PDZD2: variants seen among roughly 807,000 people sequenced by gnomAD.
The protein encoded by PDZD2 is PDZ domain containing 2.
A neutral mutation model predicts 220.7 loss-of-function variants in PDZD2; 90 were observed. That is an observed-to-expected ratio of 0.41 (90% CI 0.34 to 0.49). The LOEUF (loss-of-function observed/expected upper bound fraction) is 0.49, where lower values mean the gene tolerates loss of function less well. Among genes scored for constraint, PDZD2 ranks in the 20% least tolerant of loss-of-function variants. The pLI, the probability that PDZD2 is intolerant of heterozygous loss-of-function variation, is 0.28. For synonymous variants in PDZD2, 1,375 were observed against 1,450.5 expected, an observed-to-expected ratio of 0.95 and a Z score of 1.18; for missense variants, 3,174 against 3,608.5, an observed-to-expected ratio of 0.88 and a Z score of 3.08.
At chr5:31,788,522 G>A (rs956713986) in intron 1 of PDZD2, among the ~76,000 whole-genome samples, 4 of 152,096 alleles carry the variant, frequency 2.6e-5, no homozygotes, top group South Asian at 2.1e-4. Flanking sequence ...AAAATTAGCC[G>A]GGTGTGGTGG....
intron 2 of PDZD2, among the ~76,000 whole-genome samples, chr5:31,865,689 A>G (rs1255147427): frequency 1.6e-5 from 2 of 122,280 alleles, no homozygotes; most frequent in East Asian, 4.7e-4. Context: ...GCTGGAGTTC[A>G]GTGGCGCAAT....
intron 1 of PDZD2, among the ~76,000 whole-genome samples, chr5:31,757,743 G>A (rs1751381363): frequency 6.6e-6 from 1 of 152,166 alleles, no homozygotes; most frequent in African/African-American, 2.4e-5. Flanking sequence ...GGTCACAGGT[G>A]GTTTTGTTAT....
In PDZD2 at chr5:31,931,898, C is replaced by T. The variant is rs189639807; in HGVS notation, c.477-51257C>T. 1.2e-3 allele frequency among the ~76,000 whole-genome samples: 189 copies of T among 152,210 alleles called. 1 individual carries two copies. Among genetic ancestry groups the T allele is most frequent in the African/African-American group, 4.4e-3 (181 of 41,520 alleles). On this transcript the variant is annotated intron_variant, in intron 2 of 24. Transcript: ENST00000438447. The stretch of plus-strand genomic sequence containing the variant: ...TGGGAGGGGAGGGGTGGGCCACAGC[C>T]GCACGGAGCTTTCTCAGGTGTGATT...
chr5:31,983,033 TCAATACCTCAGTCCATCGGCCAA>T, intron 2 of PDZD2, 99 bp from the exon 3 acceptor site: 28 of 900,990 alleles, frequency 3.1e-5, no homozygotes, highest in Non-Finnish European at 4.4e-5. Flanking sequence ...TTTAGGAAGC[TCAATACCTCAGTCCATCGGCCAA>T]CTGGTCGTCA....
rs764778757 is a variant in PDZD2, at chr5:32,061,080, T to TA, written c.2400dup (p.Cys801MetfsTer15). 1 of 1,613,926 alleles carries TA rather than the reference T, an allele frequency of 6.2e-7. No homozygotes were observed. The highest frequency in any genetic ancestry group is 1.3e-5 in the African/African-American group (1 of 74,872). On this transcript the variant is annotated frameshift_variant, in exon 14 of 25. Coordinates refer to ENST00000438447, the MANE Select transcript of PDZD2 (RefSeq NM_178140.4). LOFTEE classifies it high-confidence loss of function. ...TAAGCAAAGTCCACGCCATCTTGAG[T>TA]AAATGCCCTCCAGGACCCGTTCGCC...
At chr5:32,029,329 TAAAAAAAAAAAAAA>T (rs34025632) in intron 6 of PDZD2, among the ~76,000 whole-genome samples, 1 of 65,834 alleles carries the variant, frequency 1.5e-5, no homozygotes, top group African/African-American at 5.9e-5. Flanking sequence ...TCAAGAACTG[TAAAAAAAAAAAAAA>T]AAAAAAAAAA....
intron 20 of PDZD2, 67 bp from the exon 21 acceptor site, chr5:32,092,840 G>A: frequency 1.3e-6 from 1 of 746,040 alleles, no homozygotes; most frequent in South Asian, 1.8e-5. Flanking sequence ...CATTTTAAAT[G>A]CATTCTTATA....
At chr5:32,058,547 G>C (rs936569091) in intron 12 of PDZD2, among the ~76,000 whole-genome samples, 6 of 151,392 alleles carry the variant, frequency 4.0e-5, no homozygotes, top group Non-Finnish European at 7.4e-5. Flanking sequence ...GGTGGCAAGC[G>C]CCTGTAATCC....
intron 1 of PDZD2, among the ~76,000 whole-genome samples, chr5:31,750,430 G>A (rs1177150161): frequency 1.3e-5 from 2 of 152,214 alleles, no homozygotes; most frequent in Non-Finnish European, 2.9e-5. Context: ...ACGCTCACCA[G>A]ATGCAGGAAC....
chr5:31,862,759 G>C (rs1187569815), intron 2 of PDZD2, among the ~76,000 whole-genome samples: 1 of 151,498 alleles, frequency 6.6e-6, no homozygotes, highest in Non-Finnish European at 1.5e-5. Context: ...ATGGAGTGTT[G>C]CTCTTTCGCC....
At chr5:31,731,466 C>T (rs978246474) in intron 1 of PDZD2, among the ~76,000 whole-genome samples, 4 of 152,118 alleles carry the variant, frequency 2.6e-5, no homozygotes, top group African/African-American at 4.8e-5. Context: ...ATCCATTAAG[C>T]GGTCACTCGC....
chr5:32,098,641 T>C lies in PDZD2; in HGVS notation c.8218+7T>C. On this transcript the variant is annotated splice_region_variant and intron_variant, in intron 23 of 24. Transcript: ENST00000438447. The surrounding 1 kb of genome is among the most constrained non-coding windows in gnomAD (Gnocchi z 4.1). ...CCCCTGGAGCCTGGCATTGGTAAGA[T>C]GATCATTTCAACAACCAGCAGGCTG... The C allele has an allele frequency of 6.2e-7, 1 of 1,608,110 alleles. No individual in the cohort carries two copies. The highest frequency in any genetic ancestry group is 2.2e-5 in the East Asian group (1 of 44,762).
At chr5:32,033,168 T>C (rs1463516473) in intron 6 of PDZD2, among the ~76,000 whole-genome samples, 1 of 152,220 alleles carries the variant, frequency 6.6e-6, no homozygotes, top group Non-Finnish European at 1.5e-5. Context: ...GAGAACATTT[T>C]GCAAATTTCG....
chr5:31,811,718 G>A (rs531031612), intron 2 of PDZD2, among the ~76,000 whole-genome samples: 1 of 152,238 alleles, frequency 6.6e-6, no homozygotes, highest in Admixed American at 6.5e-5. Context: ...AGCCAGGCAG[G>A]GTGGCTCATG....
chr5:31,831,337 C>G (rs891680564), intron 2 of PDZD2, among the ~76,000 whole-genome samples: 2 of 151,764 alleles, frequency 1.3e-5, no homozygotes, highest in African/African-American at 4.8e-5. Context: ...AAAAATTGGC[C>G]GGGTGCAGTG....
At chr5:31,649,470 T>C (rs1745259301) in intron 1 of PDZD2, among the ~76,000 whole-genome samples, 1 of 151,948 alleles carries the variant, frequency 6.6e-6, no homozygotes, top group African/African-American at 2.4e-5. Flanking sequence ...CCAGGTACTC[T>C]ATCACATGAC....
chr5:31,989,416 C>CTTTTTTTTTTTTTTT lies in PDZD2; in HGVS notation c.978+5764_978+5765insTTTTTTTTTTTTTTT, dbSNP rs1385913596. Reference sequence around the variant, plus strand: ...TATTCTGTGGTATATACCACATTTTCTTTTCTTTTTTTTTTTTTTTTTTTG... The same window carrying CTTTTTTTTTTTTTTT: ...TATTCTGTGGTATATACCACATTTTCTTTTTTTTTTTTTTTTTTTCTTTTTTTTTTTTTTTTTTTG... On this transcript the variant is annotated intron_variant, in intron 3 of 24. Coordinates refer to ENST00000438447, the MANE Select transcript of PDZD2 (RefSeq NM_178140.4). Among the ~76,000 whole-genome samples, 10 of 120,646 alleles carry CTTTTTTTTTTTTTTT rather than the reference C, an allele frequency of 8.3e-5. 1 individual carries two copies. The highest frequency in any genetic ancestry group is 2.9e-4 in the East Asian group (1 of 3,418). 79.1% of individuals were successfully genotyped at this position (120,646 alleles called of 152,430 possible).
chr5:31,921,315 C>T (rs1303335953), intron 2 of PDZD2, among the ~76,000 whole-genome samples: 2 of 152,154 alleles, frequency 1.3e-5, no homozygotes, highest in Non-Finnish European at 2.9e-5. Flanking sequence ...CTCTATGAAG[C>T]ATTTAGCCTT....
intron 1 of PDZD2, among the ~76,000 whole-genome samples, chr5:31,691,137 C>T (rs1028967546): frequency 1.3e-5 from 2 of 152,196 alleles, no homozygotes; most frequent in African/African-American, 4.8e-5. Context: ...TTCTGACGTT[C>T]GGATGCATTC....
Sources: allele counts gnomAD v4.1 joint callset (sites outside exome capture counted in the v4.1 genomes callset), GRCh38; gene constraint gnomAD v4.1.1; non-coding constraint Gnocchi (gnomAD v3.1); transcripts MANE v1.5; gene names NCBI Gene and HGNC (gene_info 2026-07-23, HGNC 2026-07-21).